The following PTPRK variants were observed in gnomAD, a reference collection of about 807,000 sequenced individuals.
PTPRK encodes receptor-type tyrosine-protein phosphatase kappa.
In PTPRK, 75 loss-of-function variants were observed where a neutral mutation model predicts 178.0. That is an observed-to-expected ratio of 0.42 (90% CI 0.35 to 0.51). The LOEUF is 0.51. PTPRK is among the 20% of genes least tolerant of loss of function. The pLI, the probability that PTPRK is intolerant of heterozygous loss-of-function variation, is 0.02. For missense variants in PTPRK, 1,441 were observed against 1,797.8 expected, an observed-to-expected ratio of 0.80 and a Z score of 3.59; for synonymous variants, 637 against 620.6, an observed-to-expected ratio of 1.03 and a Z score of -0.39.
chr6:128,113,297 A>G (rs1001181218), intron 7 of PTPRK, among the ~76,000 whole-genome samples: 2 of 151,708 alleles, frequency 1.3e-5, no homozygotes, highest in African/African-American at 4.8e-5. Flanking sequence ...AAAGAATTAT[A>G]CCAGTGTTAA....
rs533343732 is a variant in PTPRK at position 128,020,766 on chromosome 6, C to T, written c.2195-11498G>A. Among the ~76,000 whole-genome samples, 86 of 152,260 alleles carry T rather than the reference C, an allele frequency of 5.6e-4. No individual in the cohort carries two copies. The South Asian group carries it at 0.017, about 30-fold the overall frequency. On this transcript the variant is annotated intron_variant, in intron 13 of 29. Transcript: ENST00000368226. ...ACATTTTAAACCTATTCCCACTCTG[C>T]TTATTTACGAAATGAAGGGTTAAGA...
At chr6:128,354,027 G>A (rs1049060110) in intron 2 of PTPRK, among the ~76,000 whole-genome samples, 2 of 152,012 alleles carry the variant, frequency 1.3e-5, no homozygotes, top group African/African-American at 2.4e-5. Flanking sequence ...ATAACTGCAT[G>A]TGAATTTATA....
At chr6:127,995,799 T>C (rs1291725274) in intron 17 of PTPRK, among the ~76,000 whole-genome samples, 1 of 152,084 alleles carries the variant, frequency 6.6e-6, no homozygotes, top group Admixed American at 6.6e-5. Flanking sequence ...AAGTAATCAT[T>C]TGAGTCATAG....
At chr6:128,470,741 A>ATC (rs942671494) in intron 1 of PTPRK, among the ~76,000 whole-genome samples, 13 of 143,070 alleles carry the variant, frequency 9.1e-5, no homozygotes, top group East Asian at 2.2e-4. Context: ...AAGAAACAAT[A>ATC]TCTCTCTCTT....
intron 2 of PTPRK, among the ~76,000 whole-genome samples, chr6:128,367,798 T>G (rs1322816415): frequency 6.6e-6 from 1 of 152,168 alleles, no homozygotes; most frequent in Non-Finnish European, 1.5e-5. Context: ...ACAGGTTTCT[T>G]AGCACATAAT....
At chr6:128,165,938 T>C (rs186010872) in intron 7 of PTPRK, among the ~76,000 whole-genome samples, 3 of 151,812 alleles carry the variant, frequency 2.0e-5, no homozygotes, top group Admixed American at 2.0e-4. Flanking sequence ...TGGACATTTA[T>C]CAAAATTCTG....
chr6:128,497,460 T>C (rs1286657947), intron 1 of PTPRK, among the ~76,000 whole-genome samples: 3 of 152,062 alleles, frequency 2.0e-5, no homozygotes, highest in Admixed American at 2.0e-4. Context: ...TAATAATAAT[T>C]TGAACACAAA....
chr6:128,376,875 G>C (rs1837161354), intron 2 of PTPRK, among the ~76,000 whole-genome samples: 1 of 152,144 alleles, frequency 6.6e-6, no homozygotes, highest in Non-Finnish European at 1.5e-5. Flanking sequence ...TACGTAACAA[G>C]AGTCACCTTT....
chr6:128,127,605 T>C (rs900987510), intron 7 of PTPRK, among the ~76,000 whole-genome samples: 20 of 152,206 alleles, frequency 1.3e-4, no homozygotes, highest in African/African-American at 4.6e-4. Flanking sequence ...CTCACTTTCT[T>C]GATGCAAGGT....
intron 7 of PTPRK, among the ~76,000 whole-genome samples, chr6:128,104,328 G>A (rs763712353): frequency 5.9e-5 from 9 of 152,212 alleles, no homozygotes; most frequent in South Asian, 2.1e-4. Context: ...CCAGGTTCTC[G>A]CCATTCTCCT....
chr6:127,990,441 A>T (rs997291726), intron 21 of PTPRK, among the ~76,000 whole-genome samples: 1 of 151,976 alleles, frequency 6.6e-6, no homozygotes, highest in African/African-American at 2.4e-5. Flanking sequence ...ACCATTTCTT[A>T]CCCTGCCTAA....
At chr6:128,149,648 T>C (rs1215940428) in intron 7 of PTPRK, among the ~76,000 whole-genome samples, 1 of 152,166 alleles carries the variant, frequency 6.6e-6, no homozygotes, top group Non-Finnish European at 1.5e-5. Flanking sequence ...TTAAAATAGA[T>C]AAGGTCTGCA....
At chr6:127,992,384 G>A (rs1292659594) in intron 19 of PTPRK, among the ~76,000 whole-genome samples, 9 of 151,688 alleles carry the variant, frequency 5.9e-5, no homozygotes, top group Non-Finnish European at 1.2e-4. Context: ...TAATTCCTCT[G>A]ACTGGCACTA....
At chr6:128,136,829 T>C (rs948454782) in intron 7 of PTPRK, among the ~76,000 whole-genome samples, 1 of 152,210 alleles carries the variant, frequency 6.6e-6, no homozygotes, top group South Asian at 2.1e-4. Flanking sequence ...CCTTCTGTAA[T>C]GGCCGAATCC....
intron 7 of PTPRK, among the ~76,000 whole-genome samples, chr6:128,094,848 G>C (rs928816334): frequency 6.6e-6 from 1 of 151,962 alleles, no homozygotes; most frequent in Non-Finnish European, 1.5e-5. Context: ...GATAAGGATA[G>C]GGTAAGAGAA....
In PTPRK at chr6:128,519,255, GA is replaced by G; in HGVS notation, c.100+1003del. On this transcript the variant is annotated intron_variant, in intron 1 of 29. Coordinates refer to ENST00000368226, the MANE Select transcript of PTPRK (RefSeq NM_002844.4). This position sits in a 1 kb window ranked among gnomAD's most constrained non-coding sequence, Gnocchi z 4.3. ...CTTCAGAGCCCCCAGAGGAGAGAAC[GA>G]AAGAAGCAACCAACCTACACGAAGG... 2.6e-6 allele frequency: 1 copy of G among 383,942 alleles called. No homozygotes were observed. The highest frequency in any genetic ancestry group is 5.1e-6 in the Non-Finnish European group (1 of 195,422). 23.8% of individuals were successfully genotyped at this position (383,942 alleles called of 1,614,324 possible).
At chr6:128,000,812 C>G (rs1777750235) in intron 15 of PTPRK, among the ~76,000 whole-genome samples, 1 of 151,952 alleles carries the variant, frequency 6.6e-6, no homozygotes, top group Non-Finnish European at 1.5e-5. Flanking sequence ...AAGAAGGTAG[C>G]CAGGGCTCAG....
intron 4 of PTPRK, among the ~76,000 whole-genome samples, chr6:128,241,822 C>T (rs1466223876): frequency 2.1e-5 from 3 of 145,800 alleles, no homozygotes; most frequent in African/African-American, 7.7e-5. Context: ...GCTGTGGTTG[C>T]CCAGGCTGGA....
chr6:128,201,862 A>G (rs1806022736), intron 6 of PTPRK, among the ~76,000 whole-genome samples: 1 of 152,210 alleles, frequency 6.6e-6, no homozygotes, highest in Non-Finnish European at 1.5e-5. Flanking sequence ...TAATGACCCC[A>G]GTAACACAGT....
Sources: gnomAD v4.1 joint callset for allele counts (sites outside exome capture counted in the v4.1 genomes callset) on GRCh38, gnomAD v4.1.1 for gene constraint, Gnocchi (gnomAD v3.1) non-coding constraint, MANE v1.5 for transcripts, NCBI Gene and HGNC (gene_info 2026-07-23, HGNC 2026-07-21) for gene names.